The following MYPN variants were observed in gnomAD, a reference collection of about 807,000 sequenced individuals.
MYPN encodes sarcomeric protein myopalladin, 145 kDa (MYOP).
A neutral mutation model predicts 129.4 loss-of-function variants in MYPN; 63 were observed. The ratio of observed to expected loss-of-function variants is 0.49; its 90% confidence interval spans 0.40 to 0.60. The LOEUF is 0.60. Among genes scored for constraint, MYPN ranks in the 20% least tolerant of loss-of-function variants. The pLI, the probability that MYPN is intolerant of heterozygous loss-of-function variation, is 0.00. For missense variants in MYPN, 1,596 were observed against 1,635.4 expected (o/e 0.98, Z 0.42); for synonymous variants, 629 against 600.9 (o/e 1.05, Z -0.68).
chr10:68,204,512 A>G (rs1220456588), intron 18 of MYPN, among the ~76,000 whole-genome samples: 2 of 152,182 alleles, frequency 1.3e-5, no homozygotes, highest in Admixed American at 6.5e-5. Context: ...ACCTTTGGTC[A>G]GGAGTTGGAG....
At chr10:68,128,179 G>C (rs1346473772) in intron 2 of MYPN, among the ~76,000 whole-genome samples, 1 of 152,146 alleles carries the variant, frequency 6.6e-6, no homozygotes, top group African/African-American at 2.4e-5. Context: ...GTATTACCCA[G>C]AGATGAAAGA....
chr10:68,196,305 C>T (rs925014955), intron 15 of MYPN, among the ~76,000 whole-genome samples: 1 of 152,062 alleles, frequency 6.6e-6, no homozygotes, highest in East Asian at 1.9e-4. Flanking sequence ...ATTTTACTAA[C>T]CACTAAGAAG....
In MYPN at chr10:68,194,185, G is replaced by A. The variant is rs1900012; in HGVS notation, c.2926-178G>A. Among the ~76,000 whole-genome samples, 82,320 of 151,518 alleles carry A rather than the reference G, an allele frequency of 0.54. 23,913 individuals carry two copies. The highest frequency in any genetic ancestry group is 0.64 in the Non-Finnish European group (43,351 of 67,778). ...ATATTAAATAGTATTATACAGGTAC[G>A]AGTGGAGGGGCATATTATACAGCCA... On this transcript the variant is annotated intron_variant, in intron 13 of 19. Transcript: ENST00000358913.
intron 10 of MYPN, among the ~76,000 whole-genome samples, chr10:68,169,935 T>C (rs1295275717): frequency 6.6e-6 from 1 of 152,120 alleles, no homozygotes; most frequent in Non-Finnish European, 1.5e-5. Flanking sequence ...AGAAGGAGTT[T>C]CACCATGTTG....
rs575720413 is a variant in MYPN at position 68,175,271 on chromosome 10, T to C, written c.2565-52T>C. The C allele has an allele frequency of 1.2e-5, 19 of 1,608,804 alleles. No homozygotes were observed. The African/African-American group carries it at 2.5e-4, about 21-fold the overall frequency. Reference sequence around the variant, plus strand: ...AACCACTCTGATTTCTAGGCCTTTTTACCCTGGCCAGTGCTTTTCATGGGT... The same window carrying C: ...AACCACTCTGATTTCTAGGCCTTTTCACCCTGGCCAGTGCTTTTCATGGGT... On this transcript the variant is annotated intron_variant, in intron 11 of 19. Transcript: ENST00000358913.
In MYPN at chr10:68,182,401, TAA is replaced by T. The variant is rs755419735; in HGVS notation, c.2704-6503_2704-6502del. Among the ~76,000 whole-genome samples the T allele has an allele frequency of 7.4e-4, 73 of 99,160 alleles. 2 individuals carry two copies. The East Asian group carries it at 0.014, about 20-fold the overall frequency. The allele number at this position is 99,160 out of a possible 152,430, so 65.1% of individuals were successfully genotyped here. On this transcript the variant is annotated intron_variant, in intron 12 of 19. Coordinates refer to ENST00000358913, the MANE Select transcript of MYPN (RefSeq NM_032578.4). The stretch of plus-strand genomic sequence containing the variant: ...ATATAACACATATATAACATATATA[TAA>T]CACATATATATAACATATATATAAC...
At chr10:68,094,459 A>G (rs1029663815) in intron 1 of MYPN, among the ~76,000 whole-genome samples, 9 of 151,476 alleles carry the variant, frequency 5.9e-5, no homozygotes, top group Non-Finnish European at 1.2e-4. Flanking sequence ...ACGGGGTTTC[A>G]CCATGTTGGC....
At chr10:68,171,415 T>C (rs1257668088) in intron 10 of MYPN, among the ~76,000 whole-genome samples, 1 of 152,226 alleles carries the variant, frequency 6.6e-6, no homozygotes, top group East Asian at 1.9e-4. Flanking sequence ...CAGCATCACC[T>C]GGAAGCTTGG....
rs141983653 is a variant in MYPN at position 68,121,842 on chromosome 10, C to A, written c.404C>A (p.Ala135Glu). The change falls in exon 2 of 20, where the codon GCA (alanine) becomes GAA (glutamate). Residue 135 changes from alanine to glutamate, a missense_variant. Ala to Glu is a moderately radical substitution (Grantham distance 107). Transcript: ENST00000358913. ...PTSSKESPQEAKRPQYCSETQ... is the reference protein window; with the variant it reads ...PTSSKESPQEEKRPQYCSETQ... ...AGCTCTAAAGAAAGCCCCCAGGAGG[C>A]AAAAAGGCCACAGTATTGTTCTGAA... The A allele has an allele frequency of 1.2e-6, 2 of 1,613,932 alleles. No individual in the cohort carries two copies.
intron 1 of MYPN, among the ~76,000 whole-genome samples, chr10:68,112,950 G>T (rs1450681607): frequency 6.6e-6 from 1 of 152,126 alleles, no homozygotes; most frequent in Non-Finnish European, 1.5e-5. Context: ...ACTGGGATTT[G>T]GTTTTTGACC....
At chr10:68,121,012 C>T (rs1177926614) in intron 1 of MYPN, among the ~76,000 whole-genome samples, 1 of 152,156 alleles carries the variant, frequency 6.6e-6, no homozygotes, top group Non-Finnish European at 1.5e-5. Flanking sequence ...GGCACAGTGG[C>T]TCACCCCTAT....
chr10:68,121,417 G>A, intron 1 of MYPN, 21 bp from the exon 2 acceptor site: 1 of 1,601,538 alleles, frequency 6.2e-7, no homozygotes, highest in Non-Finnish European at 8.5e-7. Context: ...CAAACTTTTT[G>A]TTATTATTAT....
intron 1 of MYPN, among the ~76,000 whole-genome samples, chr10:68,090,968 G>A (rs941857750): frequency 4.6e-5 from 7 of 152,100 alleles, no homozygotes; most frequent in Non-Finnish European, 8.8e-5. Flanking sequence ...CCTTAGCAAA[G>A]TACTCGCATT....
chr10:68,152,618 T>C (rs1380820337), intron 6 of MYPN, among the ~76,000 whole-genome samples: 7 of 152,224 alleles, frequency 4.6e-5, no homozygotes, highest in Admixed American at 1.3e-4. Flanking sequence ...AATAGGACTT[T>C]AACATTTATT....
At chr10:68,204,931 T>C (rs2043788647) in intron 18 of MYPN, among the ~76,000 whole-genome samples, 1 of 151,604 alleles carries the variant, frequency 6.6e-6, no homozygotes, top group African/African-American at 2.4e-5. Flanking sequence ...TATGCCATGA[T>C]CCCTCCCACA....
At chr10:68,178,308 G>A (rs16925232) in intron 12 of MYPN, among the ~76,000 whole-genome samples, 1 of 152,032 alleles carries the variant, frequency 6.6e-6, no homozygotes, top group South Asian at 2.1e-4. Context: ...AGATTTTTAG[G>A]CTGCATCATT....
chr10:68,196,935 GAC>G (rs929616830), intron 15 of MYPN, among the ~76,000 whole-genome samples: 3 of 152,094 alleles, frequency 2.0e-5, no homozygotes, highest in African/African-American at 7.2e-5. Context: ...ATTACTCAAA[GAC>G]ACAGGGATTG....
chr10:68,202,025 C>A, intron 18 of MYPN, 31 bp downstream of exon 18: 1 of 1,613,242 alleles, frequency 6.2e-7, no homozygotes, highest in Non-Finnish European at 8.5e-7. Flanking sequence ...AGAGGGACTC[C>A]CACTCTCAGT....
intron 12 of MYPN, among the ~76,000 whole-genome samples, chr10:68,186,292 C>A (rs948496423): frequency 6.6e-6 from 1 of 152,134 alleles, no homozygotes; most frequent in African/African-American, 2.4e-5. Flanking sequence ...AAATTAAAAC[C>A]AAGAAACACT....
Sources: gnomAD v4.1 joint callset for allele counts (sites outside exome capture counted in the v4.1 genomes callset) on GRCh38, gnomAD v4.1.1 for gene constraint, MANE v1.5 for transcripts, NCBI Gene and HGNC (gene_info 2026-07-23, HGNC 2026-07-21) for gene names.